Variants in CCL14 observed in about 807,000 individuals in gnomAD.
CCL14 encodes the protein C-C motif chemokine ligand 14.
Under a neutral mutation model 8.2 loss-of-function variants are expected in CCL14, and 8 were observed. That is an observed-to-expected ratio of 0.98 (90% CI 0.57 to 1.76). The LOEUF is 1.76. Among genes scored for constraint, CCL14 ranks in the 40% most tolerant of loss-of-function variants. The probability of loss-of-function intolerance (pLI) is 0.00; values close to 1 mark genes in which losing one functional copy is unlikely to be tolerated. For synonymous variants in CCL14, 50 were observed against 43.2 expected (o/e 1.16, Z -0.62); for missense variants, 127 against 118.3 (o/e 1.07, Z -0.34).
At chr17:35,986,097 G>T in intron 1 of CCL14, 1 of 442,644 alleles carries the variant, frequency 2.3e-6, no homozygotes, top group Non-Finnish European at 4.0e-6. Flanking sequence ...TTGCTTAGCG[G>T]CAAAGAGAGA....
Position 35,983,546 on chromosome 17 carries a change from A to T in CCL14, c.*255T>A, listed in dbSNP as rs1329870181. 1 of 452,498 alleles carries T rather than the reference A, an allele frequency of 2.2e-6. No homozygotes were observed. The highest frequency in any genetic ancestry group is 3.9e-6 in the Non-Finnish European group (1 of 254,478). 28.0% of individuals were successfully genotyped at this position (452,498 alleles called of 1,614,324 possible). A position where few individuals can be genotyped will look rare whatever the true frequency, so the allele number is the denominator to read the frequency against. On this transcript the variant is annotated 3_prime_UTR_variant, in exon 3 of 3. Transcript: ENST00000618404. ...GCAGGCCTGACCTATTTTTTGTACC[A>T]GGCTCCAGCAAAACTTCTGCAGAGC... is the stretch of plus-strand genomic sequence containing the variant.
chr17:35,985,919 C>T (rs1374389070), intron 1 of CCL14: 3 of 766,714 alleles, frequency 3.9e-6, no homozygotes, highest in South Asian at 3.4e-5. Context: ...TGTCGTGTTT[C>T]CCCCCAGCCC....
intron 1 of CCL14, chr17:35,984,658 A>T: frequency 1.7e-6 from 1 of 595,352 alleles, no homozygotes; most frequent in Non-Finnish European, 3.0e-6. Context: ...CTCATCATCA[A>T]TCACCCTTCC....
intron 1 of CCL14, 45 bp downstream of exon 1, chr17:35,986,526 C>T (rs2141997141): frequency 6.7e-7 from 1 of 1,501,124 alleles, no homozygotes; most frequent in Non-Finnish European, 9.3e-7. Context: ...CTGCTTATTT[C>T]CCTGCAGGCT....
intron 2 of CCL14, among the ~76,000 whole-genome samples, 194 bp downstream of exon 2, chr17:35,984,144 A>G (rs1009034906): frequency 2.6e-5 from 4 of 151,178 alleles, no homozygotes; most frequent in Non-Finnish European, 5.9e-5. Flanking sequence ...CTCCCCATCC[A>G]TGGGGTCAGT....
At chr17:35,986,429 T>C (rs2089770807) in intron 1 of CCL14, 142 bp downstream of exon 1, 1 of 653,682 alleles carries the variant, frequency 1.5e-6, no homozygotes, top group Admixed American at 2.5e-5. Context: ...ATTTATATAA[T>C]GTTGCTATAC....
At chr17:35,985,899 G>C in intron 1 of CCL14, 1 of 912,992 alleles carries the variant, frequency 1.1e-6, no homozygotes, top group Non-Finnish European at 1.7e-6. Context: ...GCCTAGGATG[G>C]ACCCCACACT....
Position 35,983,480 on chromosome 17 carries a change from C to G in CCL14, c.*321G>C, listed in dbSNP as rs1392654929. ...TGCTGAGGAGGAGACGGTCTTTACACTGCTTTTCTTTCTCACTTTCTGCTT... is the reference window on the plus strand; with the variant it reads ...TGCTGAGGAGGAGACGGTCTTTACAGTGCTTTTCTTTCTCACTTTCTGCTT... On this transcript the variant is annotated 3_prime_UTR_variant, in exon 3 of 3. Coordinates refer to ENST00000618404, the MANE Select transcript of CCL14 (RefSeq NM_032963.4). 3.0e-6 allele frequency: 1 copy of G among 328,950 alleles called. No individual in the cohort carries two copies. The highest frequency in any genetic ancestry group is 5.6e-6 in the Non-Finnish European group (1 of 179,260). 20.4% of individuals were successfully genotyped at this position (328,950 alleles called of 1,614,324 possible).
At chr17:35,985,422 T>G in intron 1 of CCL14, 1 of 324,374 alleles carries the variant, frequency 3.1e-6, no homozygotes, top group Non-Finnish European at 5.6e-6. Flanking sequence ...GGAAGGACAT[T>G]GTAGGCCAAG....
chr17:35,984,668 C>T, intron 1 of CCL14: 1 of 590,646 alleles, frequency 1.7e-6, no homozygotes. Flanking sequence ...ATCACCCTTC[C>T]TCCTTTTCTT....
In CCL14 at chr17:35,983,710, G is replaced by T; in HGVS notation, c.*91C>A. Reference sequence around the variant, plus strand: ...CAGGGAAGCTCCAAGAGGGTGACTGGGGCTGAGAGTTAGCGGTGGGTGGAG... The same window carrying T: ...CAGGGAAGCTCCAAGAGGGTGACTGTGGCTGAGAGTTAGCGGTGGGTGGAG... On this transcript the variant is annotated 3_prime_UTR_variant, in exon 3 of 3. Coordinates refer to ENST00000618404, the MANE Select transcript of CCL14 (RefSeq NM_032963.4). 1 of 873,608 alleles carries T rather than the reference G, an allele frequency of 1.1e-6. No individual in the cohort carries two copies. The highest frequency in any genetic ancestry group is 2.0e-6 in the Non-Finnish European group (1 of 509,162). The allele number at this position is 873,608 out of a possible 1,614,324, so 54.1% of individuals were successfully genotyped here.
At chr17:35,985,581 T>C (rs2089752581) in intron 1 of CCL14, 1 of 626,476 alleles carries the variant, frequency 1.6e-6, no homozygotes, top group Non-Finnish European at 2.8e-6. Flanking sequence ...GGTGGAAGGG[T>C]CTCATCCTGT....
chr17:35,985,612 A>G, intron 1 of CCL14: 1 of 710,604 alleles, frequency 1.4e-6, no homozygotes, highest in East Asian at 2.7e-5. Context: ...CATTCCAGGC[A>G]GCATCCTCAC....
chr17:35,985,419 C>T (rs773253984), intron 1 of CCL14: 7 of 318,936 alleles, frequency 2.2e-5, no homozygotes, highest in Non-Finnish European at 4.0e-5. Flanking sequence ...GCAGGAAGGA[C>T]ATTGTAGGCC....
Position 35,984,403 on chromosome 17 carries a change from C to T in CCL14, c.129G>A (p.Lys43=). The T allele has an allele frequency of 6.2e-7, 1 of 1,613,764 alleles. No individual in the cohort carries two copies. Among genetic ancestry groups the T allele is most frequent in the Non-Finnish European group, 8.5e-7 (1 of 1,179,972 alleles). Residue 43 remains lysine (K), a synonymous_variant, in exon 2 of 3, where the codon AAG becomes AAA. Transcript: ENST00000618404. ...SECCFTYTTY[K]IPRQRIMDYY... ...AATCCATAATCCGCTGACGCGGGAT[C>T]TTGTAGGTAGTGTAGGTGAAGCAGC...
In CCL14 at chr17:35,984,345, C is replaced by T. The variant is rs778815719; in HGVS notation, c.187G>A (p.Gly63Arg). Residue 63 changes from glycine (G) to arginine (R), a missense_variant, in exon 2 of 3, where the codon GGA (glycine) becomes AGA (arginine). Gly to Arg is a moderately radical substitution (Grantham distance 125). Transcript: ENST00000618404. ...YETNSQCSKP[G>R]IVFITKRGHS... ...TGTGTGTGTACCACCTACACAATTC[C>T]GGGCTTGGAGCACTGGCTGTTGGTC... 1.9e-4 allele frequency: 312 copies of T among 1,610,742 alleles called. No individual in the cohort carries two copies. Among genetic ancestry groups the T allele is most frequent in the Non-Finnish European group, 2.4e-4 (281 of 1,177,202 alleles).
intron 1 of CCL14, chr17:35,985,712 T>G: frequency 6.5e-7 from 1 of 1,536,548 alleles, no homozygotes; most frequent in Non-Finnish European, 8.8e-7. Flanking sequence ...AGCTGACAAA[T>G]GACATCGGAG....
intron 1 of CCL14, chr17:35,985,889 G>T: frequency 1.0e-6 from 1 of 1,001,096 alleles, no homozygotes. Flanking sequence ...AGAAAAGGGG[G>T]CCTAGGATGG....
Position 35,986,593 on chromosome 17 carries a change from C to A in CCL14, c.57G>T (p.Gly19=). 6.2e-7 allele frequency: 1 copy of A among 1,613,862 alleles called. No homozygotes were observed. Among genetic ancestry groups the A allele is most frequent in the Non-Finnish European group, 8.5e-7 (1 of 1,179,898 alleles). The change falls in exon 1 of 3, where the codon GGG becomes GGT. Residue 19 remains glycine (G), a synonymous_variant. Coordinates refer to ENST00000618404, the MANE Select transcript of CCL14 (RefSeq NM_032963.4). ...CACGTGAGGAGGATTCAGTCTTGGTCCCTAGGGCGATGGTGATGAGGAGGA... is the reference window on the plus strand; with the variant it reads ...CACGTGAGGAGGATTCAGTCTTGGTACCTAGGGCGATGGTGATGAGGAGGA... ...PFFLLITIAL[G]TKTESSSRGP... is the part of the protein sequence containing the mutation.
Sources: allele counts gnomAD v4.1 joint callset (sites outside exome capture counted in the v4.1 genomes callset), GRCh38; gene constraint gnomAD v4.1.1; transcripts MANE v1.5; gene names NCBI Gene and HGNC (gene_info 2026-07-23, HGNC 2026-07-21).